Variants in COPG2 observed in about 807,000 individuals in gnomAD.
COPG2 encodes coatomer subunit gamma-2.
Under a neutral mutation model 46.3 loss-of-function variants are expected in COPG2, and 37 were observed. The observed-to-expected ratio is 0.80, with a 90% CI of 0.61 to 1.05. The LOEUF is 1.05. Ranked by LOEUF, COPG2 falls within the 50% of genes least tolerant of loss-of-function variation. The pLI is 0.00. For missense variants in COPG2, 427 were observed against 387.8 expected, an observed-to-expected ratio of 1.10 and a Z score of -0.85; for synonymous variants, 159 against 129.7, an observed-to-expected ratio of 1.23 and a Z score of -1.53.
intron 5 of COPG2, among the ~76,000 whole-genome samples, chr7:130,632,640 TTC>T (rs1163632703): frequency 1.3e-5 from 2 of 152,162 alleles, no homozygotes; most frequent in South Asian, 2.1e-4. Context: ...GTTTTCTTTT[TTC>T]TCTCTCTCTT....
chr7:130,600,987 T>A (rs1186769347), intron 9 of COPG2, among the ~76,000 whole-genome samples: 1 of 152,190 alleles, frequency 6.6e-6, no homozygotes, highest in Admixed American at 6.5e-5. Flanking sequence ...AACTTCCATA[T>A]CAGGCTCACT....
intron 20 of COPG2, among the ~76,000 whole-genome samples, chr7:130,521,262 G>C (rs1799720758): frequency 6.6e-6 from 1 of 152,192 alleles, no homozygotes; most frequent in Non-Finnish European, 1.5e-5. Context: ...CAGTGTCCAG[G>C]AAAGTACATT....
intron 20 of COPG2, among the ~76,000 whole-genome samples, chr7:130,539,867 T>C (rs1418410306): frequency 6.6e-6 from 1 of 151,856 alleles, no homozygotes; most frequent in Non-Finnish European, 1.5e-5. Context: ...AACAAAGGAA[T>C]GTGGAGTGCT....
intron 20 of COPG2, among the ~76,000 whole-genome samples, chr7:130,529,390 A>G (rs887278812): frequency 6.6e-6 from 1 of 152,180 alleles, no homozygotes; most frequent in Non-Finnish European, 1.5e-5. Flanking sequence ...TCCTCAAGGC[A>G]TGATGTCAGA....
intron 12 of COPG2, among the ~76,000 whole-genome samples, chr7:130,557,823 A>AAAAAC (rs1793652937): frequency 6.8e-6 from 1 of 146,664 alleles, no homozygotes; most frequent in African/African-American, 2.5e-5. Flanking sequence ...ATCTCAAAAA[A>AAAAAC]AAAAAAAAAA....
chr7:130,582,151 A>G (rs1794160555), intron 9 of COPG2, among the ~76,000 whole-genome samples: 1 of 147,422 alleles, frequency 6.8e-6, no homozygotes, highest in African/African-American at 2.5e-5. Flanking sequence ...AAACAGAGAT[A>G]TAGATCAATG....
intron 9 of COPG2, among the ~76,000 whole-genome samples, chr7:130,565,332 T>C (rs1162211224): frequency 6.6e-6 from 1 of 152,210 alleles, no homozygotes; most frequent in Non-Finnish European, 1.5e-5. Flanking sequence ...TTATTATTTG[T>C]GACTCAGCTA....
At chr7:130,561,422 C>G (rs1793717627) in intron 11 of COPG2, among the ~76,000 whole-genome samples, 1 of 152,190 alleles carries the variant, frequency 6.6e-6, no homozygotes, top group Admixed American at 6.5e-5. Context: ...ATCGTACTCT[C>G]TTTTGTTAGG....
At chr7:130,537,879 A>T (rs1231876333) in intron 20 of COPG2, among the ~76,000 whole-genome samples, 1 of 152,188 alleles carries the variant, frequency 6.6e-6, no homozygotes, top group East Asian at 1.9e-4. Flanking sequence ...CAGGGTGTAG[A>T]GGTGTTGGCA....
chr7:130,556,068 C>G (rs960422074), intron 12 of COPG2, among the ~76,000 whole-genome samples: 1 of 152,046 alleles, frequency 6.6e-6, no homozygotes, highest in Non-Finnish European at 1.5e-5. Context: ...TCCCAAAGTG[C>G]AATGCAAAGA....
intron 5 of COPG2, among the ~76,000 whole-genome samples, chr7:130,622,188 C>T (rs1554453704): frequency 6.6e-6 from 1 of 152,102 alleles, no homozygotes; most frequent in African/African-American, 2.4e-5. Flanking sequence ...GTCACTGATG[C>T]TGGCCACTGG....
intron 8 of COPG2, 138 bp downstream of exon 8, chr7:130,612,014 C>T (rs782696070): frequency 1.4e-5 from 9 of 650,882 alleles, no homozygotes; most frequent in Non-Finnish European, 2.5e-5. Flanking sequence ...AGTGAGATTC[C>T]TACTTCAGAA....
chr7:130,530,245 G>A (rs1799811181), intron 20 of COPG2, among the ~76,000 whole-genome samples: 2 of 152,266 alleles, frequency 1.3e-5, no homozygotes, highest in Admixed American at 1.3e-4. Context: ...GGGCAGGCAC[G>A]ATGGCAGGGG....
At chr7:130,568,773 C>T (rs1227722783) in intron 9 of COPG2, among the ~76,000 whole-genome samples, 1 of 152,148 alleles carries the variant, frequency 6.6e-6, no homozygotes, top group Non-Finnish European at 1.5e-5. Context: ...TATTCATCAG[C>T]ACATGGAACA....
intron 9 of COPG2, among the ~76,000 whole-genome samples, chr7:130,570,998 C>T (rs918295748): frequency 1.3e-5 from 2 of 152,020 alleles, no homozygotes; most frequent in African/African-American, 2.4e-5. Context: ...GCTAGCCATG[C>T]GTAGGAGAAT....
chr7:130,533,547 AG>A (rs1799849617), intron 20 of COPG2, among the ~76,000 whole-genome samples: 1 of 151,800 alleles, frequency 6.6e-6, no homozygotes, highest in African/African-American at 2.4e-5. Flanking sequence ...AGAGGAAGGA[AG>A]GTCGGGGGGA....
intron 5 of COPG2, among the ~76,000 whole-genome samples, chr7:130,621,091 A>G (rs1349927811): frequency 6.6e-6 from 1 of 152,204 alleles, no homozygotes; most frequent in African/African-American, 2.4e-5. Flanking sequence ...CACAGGAAGC[A>G]TATGTGACAA....
At chr7:130,577,458 G>A (rs562252029) in intron 9 of COPG2, among the ~76,000 whole-genome samples, 3 of 152,242 alleles carry the variant, frequency 2.0e-5, no homozygotes, top group African/African-American at 7.2e-5. Context: ...GAGCTTTTCC[G>A]ACCGGCTTAA....
At chr7:130,612,361 T>C (rs1584578694) in intron 7 of COPG2, 123 bp from the exon 8 acceptor site, 2 of 626,244 alleles carry the variant, frequency 3.2e-6, no homozygotes, top group Non-Finnish European at 5.4e-6. Context: ...ATGTAGCTCT[T>C]ATAAGTCTAT....
Sources: allele counts gnomAD v4.1 joint callset (sites outside exome capture counted in the v4.1 genomes callset), GRCh38; gene constraint gnomAD v4.1.1; transcripts MANE v1.5; gene names NCBI Gene and HGNC (gene_info 2026-07-23, HGNC 2026-07-21).